The following MAP3K1 variants were observed in gnomAD, a reference collection of about 807,000 sequenced individuals.
MAP3K1 encodes the protein mitogen-activated protein kinase kinase kinase 1.
A neutral mutation model predicts 144.2 loss-of-function variants in MAP3K1; 36 were observed. The ratio of observed to expected loss-of-function variants is 0.25; its 90% CI spans 0.19 to 0.33. The LOEUF (loss-of-function observed/expected upper bound fraction) is 0.33. Among genes scored for constraint, MAP3K1 ranks in the 10% least tolerant of loss-of-function variants. The probability of loss-of-function intolerance (pLI) is 1.00; values close to 1 mark genes in which losing one functional copy is unlikely to be tolerated. For synonymous variants in MAP3K1, 718 were observed against 688.7 expected, an observed-to-expected ratio of 1.04 and a Z score of -0.67; for missense variants, 1,650 against 1,881.9, an observed-to-expected ratio of 0.88 and a Z score of 2.28.
chr5:56,873,943 C>T (rs1377098964), intron 9 of MAP3K1, among the ~76,000 whole-genome samples: 1 of 152,160 alleles, frequency 6.6e-6, no homozygotes, highest in Non-Finnish European at 1.5e-5. Context: ...CCTGCCCTTT[C>T]ATGACCCATC....
chr5:56,859,924 A>G lies in MAP3K1; in HGVS notation c.834+9A>G, dbSNP rs73135067. ...GAGTTTCCCCAGTGCCTGTAAGTTA[A>G]TGTTACAACAAATATGTTAGTTTTT... On this transcript the variant is annotated intron_variant, in intron 3 of 19. Transcript: ENST00000399503. 5.9e-4 allele frequency: 944 copies of G among 1,593,842 alleles called. 5 individuals carry two copies. In the African/African-American group the frequency reaches 0.011, roughly 19 times the overall value.
At chr5:56,867,889 C>G (rs1414252246) in intron 6 of MAP3K1, among the ~76,000 whole-genome samples, 1 of 152,014 alleles carries the variant, frequency 6.6e-6, no homozygotes, top group Non-Finnish European at 1.5e-5. Flanking sequence ...TAGCATATGC[C>G]CATGTTACAA....
rs202153563 is a variant in MAP3K1, at chr5:56,878,944, G to A, written c.1966-36G>A. The A allele has an allele frequency of 9.3e-5, 149 of 1,609,004 alleles. No homozygotes were observed. The Middle Eastern group carries it at 2.5e-3, about 27-fold the overall frequency. Reference sequence around the variant, plus strand: ...GGCCATTATCTCTGATGCTTTTTAAGTGTACATAAACTGACCTTCAGATTT... The same window carrying A: ...GGCCATTATCTCTGATGCTTTTTAAATGTACATAAACTGACCTTCAGATTT... On this transcript the variant is annotated intron_variant, in intron 10 of 19. Coordinates refer to ENST00000399503, the MANE Select transcript of MAP3K1 (RefSeq NM_005921.2).
At chr5:56,877,937 T>G (rs567727836) in intron 10 of MAP3K1, among the ~76,000 whole-genome samples, 15 of 152,174 alleles carry the variant, frequency 9.9e-5, no homozygotes, top group Non-Finnish European at 2.1e-4. Context: ...ATCCCTCAAT[T>G]TGGGTTTATC....
chr5:56,873,464 T>C (rs1747922013), intron 9 of MAP3K1, among the ~76,000 whole-genome samples: 1 of 152,246 alleles, frequency 6.6e-6, no homozygotes, highest in Non-Finnish European at 1.5e-5. Flanking sequence ...AAATATGTGA[T>C]GGTTACCTTG....
At chr5:56,817,084 C>T (rs1305595466) in intron 1 of MAP3K1, 2 of 985,318 alleles carry the variant, frequency 2.0e-6, no homozygotes, top group Non-Finnish European at 2.4e-6. Flanking sequence ...TCAGATGCGT[C>T]TTCTGGTGCA....
chr5:56,837,548 A>T (rs926673401), intron 1 of MAP3K1, among the ~76,000 whole-genome samples: 2 of 152,184 alleles, frequency 1.3e-5, no homozygotes, highest in African/African-American at 4.8e-5. Context: ...TCTGGCGTAG[A>T]AGTTCATATT....
At chr5:56,822,214 A>G (rs1179715713) in intron 1 of MAP3K1, among the ~76,000 whole-genome samples, 1 of 151,982 alleles carries the variant, frequency 6.6e-6, no homozygotes, top group African/African-American at 2.4e-5. Context: ...TTGTAGAGAC[A>G]GGGTTTCACC....
intron 6 of MAP3K1, among the ~76,000 whole-genome samples, chr5:56,870,587 T>C (rs1747821762): frequency 1.3e-5 from 2 of 152,164 alleles, no homozygotes; most frequent in Non-Finnish European, 2.9e-5. Context: ...CCCATCCATG[T>C]TTCTCTCAAC....
intron 3 of MAP3K1, among the ~76,000 whole-genome samples, chr5:56,861,508 G>A (rs1747508947): frequency 1.3e-5 from 2 of 149,700 alleles, no homozygotes; most frequent in Non-Finnish European, 1.5e-5. Flanking sequence ...GGGAGGCAGA[G>A]GTTGCAGTGA....
chr5:56,864,711 T>G (rs1456580097), intron 3 of MAP3K1, 23 bp from the exon 4 acceptor site: 2 of 1,612,232 alleles, frequency 1.2e-6, no homozygotes, highest in Non-Finnish European at 1.7e-6. Flanking sequence ...GAAACGTACC[T>G]AATAAAAAAA....
At chr5:56,851,929 A>G (rs1414800380) in intron 1 of MAP3K1, 1 of 152,240 alleles carries the variant, frequency 6.6e-6, no homozygotes, top group African/African-American at 2.4e-5. Context: ...CACAATGTGG[A>G]GAGGGAAGCA....
At chr5:56,862,788 TA>T (rs60670715) in intron 3 of MAP3K1, among the ~76,000 whole-genome samples, 117,581 of 152,028 alleles carry the variant, frequency 0.77, 45,833 homozygotes, top group Non-Finnish European at 0.82. Flanking sequence ...TTTTACTTTT[TA>T]GTAACTGCTT....
chr5:56,892,096 G>A (rs529475436), intron 19 of MAP3K1, among the ~76,000 whole-genome samples: 3 of 152,190 alleles, frequency 2.0e-5, no homozygotes, highest in East Asian at 1.9e-4. Context: ...TGATGGGGAC[G>A]GCATTGAATC....
intron 4 of MAP3K1, 98 bp from the exon 5 acceptor site, chr5:56,865,242 T>C (rs1229352029): frequency 1.3e-6 from 1 of 772,704 alleles, no homozygotes; most frequent in Non-Finnish European, 2.3e-6. Flanking sequence ...ATAGAAACTT[T>C]AGTATAAAAA....
At chr5:56,862,732 C>T (rs1411119161) in intron 3 of MAP3K1, among the ~76,000 whole-genome samples, 1 of 152,164 alleles carries the variant, frequency 6.6e-6, no homozygotes, top group African/African-American at 2.4e-5. Flanking sequence ...GGATACCTAG[C>T]AGGTCAAAAT....
intron 10 of MAP3K1, among the ~76,000 whole-genome samples, 169 bp from the exon 11 acceptor site, chr5:56,878,811 T>C (rs1748115578): frequency 6.6e-6 from 1 of 152,232 alleles, no homozygotes; most frequent in Admixed American, 6.5e-5. Context: ...CATTCATTTA[T>C]TTTGTTAGTT....
chr5:56,855,274 A>T (rs1237539314), intron 1 of MAP3K1, among the ~76,000 whole-genome samples: 1 of 152,132 alleles, frequency 6.6e-6, no homozygotes, highest in Non-Finnish European at 1.5e-5. Context: ...CCAAGCACAT[A>T]TAAGTAAATT....
chr5:56,822,844 T>C (rs921511978), intron 1 of MAP3K1, among the ~76,000 whole-genome samples: 1 of 152,216 alleles, frequency 6.6e-6, no homozygotes, highest in African/African-American at 2.4e-5. Context: ...GCTCATTAAA[T>C]GGCAGAACCA....
Sources: allele counts gnomAD v4.1 joint callset (sites outside exome capture counted in the v4.1 genomes callset), GRCh38; gene constraint gnomAD v4.1.1; transcripts MANE v1.5; gene names NCBI Gene and HGNC (gene_info 2026-07-23, HGNC 2026-07-21).